The following EYS variants were observed in gnomAD, a reference collection of about 807,000 sequenced individuals.
The protein encoded by EYS is EGF-like photoreceptor maintenance factor.
In EYS, 250 loss-of-function variants were observed where a neutral mutation model predicts 282.1. That is an observed-to-expected ratio of 0.89 (90% CI 0.80 to 0.98). EYS has a LOEUF of 0.98. EYS is among the 50% of genes least tolerant of loss of function. The probability of loss-of-function intolerance (pLI) is 0.00; values close to 1 mark genes in which losing one functional copy is unlikely to be tolerated. For missense variants in EYS, 4,016 were observed against 3,709.0 expected, an observed-to-expected ratio of 1.08 and a Z score of -2.15; for synonymous variants, 1,355 against 1,282.9, an observed-to-expected ratio of 1.06 and a Z score of -1.20.
chr6:65,575,840 G>A (rs918971381), intron 2 of EYS, among the ~76,000 whole-genome samples: 3 of 151,966 alleles, frequency 2.0e-5, no homozygotes, highest in African/African-American at 4.8e-5. Context: ...GGATAACCTA[G>A]ATAAAATGGA....
chr6:65,231,149 A>ATATATACTTT (rs1766771270), intron 12 of EYS, among the ~76,000 whole-genome samples: 1 of 145,972 alleles, frequency 6.9e-6, no homozygotes, highest in East Asian at 2.0e-4. Flanking sequence ...ATACTTTTAT[A>ATATATACTTT]TATATACTTT....
chr6:65,624,320 C>T (rs1421652923), intron 2 of EYS, among the ~76,000 whole-genome samples: 1 of 152,066 alleles, frequency 6.6e-6, no homozygotes, highest in Non-Finnish European at 1.5e-5. Context: ...TGATATTGCA[C>T]CTATGAATAT....
At chr6:65,139,640 G>T (rs1314912831) in intron 12 of EYS, among the ~76,000 whole-genome samples, 2 of 152,034 alleles carry the variant, frequency 1.3e-5, no homozygotes, top group Non-Finnish European at 2.9e-5. Context: ...AATGTTGAGT[G>T]GGAAACTAGA....
chr6:64,085,951 C>T (rs746372037), intron 31 of EYS, among the ~76,000 whole-genome samples: 1 of 152,210 alleles, frequency 6.6e-6, no homozygotes, highest in Non-Finnish European at 1.5e-5. Flanking sequence ...CTCCATAATA[C>T]TAAGCCGTCA....
At chr6:65,645,496 C>A (rs547294856) in intron 1 of EYS, among the ~76,000 whole-genome samples, 1 of 152,166 alleles carries the variant, frequency 6.6e-6, no homozygotes, top group Non-Finnish European at 1.5e-5. Context: ...AATAGTGACA[C>A]AACCTATCTA....
chr6:65,416,097 A>G (rs1767221986), intron 5 of EYS, among the ~76,000 whole-genome samples: 1 of 152,006 alleles, frequency 6.6e-6, no homozygotes, highest in African/African-American at 2.4e-5. Flanking sequence ...CAAGGAGGAA[A>G]TAATGAAAGT....
intron 22 of EYS, among the ~76,000 whole-genome samples, chr6:64,778,119 A>C (rs1399338621): frequency 6.6e-6 from 1 of 152,140 alleles, no homozygotes; most frequent in Non-Finnish European, 1.5e-5. Context: ...GTGTTTACAT[A>C]TCTCTCAGAT....
chr6:65,663,146 T>C (rs1768062870), intron 1 of EYS, among the ~76,000 whole-genome samples: 2 of 152,222 alleles, frequency 1.3e-5, no homozygotes, highest in East Asian at 3.9e-4. Context: ...TTATATGCAC[T>C]CTACAGTTTG....
At chr6:64,574,088 A>T (rs1456965877) in intron 26 of EYS, among the ~76,000 whole-genome samples, 1 of 152,224 alleles carries the variant, frequency 6.6e-6, no homozygotes, top group African/African-American at 2.4e-5. Context: ...ACGGAATACT[A>T]TGCAGCCATA....
chr6:63,921,975 G>A (rs1005043104), intron 35 of EYS, among the ~76,000 whole-genome samples: 1 of 152,110 alleles, frequency 6.6e-6, no homozygotes, highest in Admixed American at 6.5e-5. Context: ...TATAAGTGGG[G>A]GCCTAACCTA....
intron 2 of EYS, among the ~76,000 whole-genome samples, chr6:65,555,289 C>T (rs990848794): frequency 6.6e-6 from 1 of 152,058 alleles, no homozygotes; most frequent in Non-Finnish European, 1.5e-5. Context: ...ACTAGCAATT[C>T]TACTTTAATA....
intron 26 of EYS, among the ~76,000 whole-genome samples, chr6:64,548,914 A>G (rs988388944): frequency 2.0e-5 from 3 of 152,122 alleles, no homozygotes; most frequent in Admixed American, 6.5e-5. Context: ...CCATCTCTAG[A>G]GGCTGACTCA....
chr6:64,281,376 A>G (rs545694922), intron 30 of EYS, among the ~76,000 whole-genome samples: 1 of 152,224 alleles, frequency 6.6e-6, no homozygotes, highest in African/African-American at 2.4e-5. Flanking sequence ...CAGCACTCTC[A>G]TATGTTTTAA....
chr6:65,384,532 T>C (rs1765731071), intron 7 of EYS, 32 bp from the exon 8 acceptor site: 2 of 1,080,934 alleles, frequency 1.9e-6, no homozygotes, highest in East Asian at 4.8e-5. Context: ...TTAGAAAAAT[T>C]ATAATTTAAA....
chr6:63,907,124 C>A (rs1773797206), intron 35 of EYS, among the ~76,000 whole-genome samples: 2 of 152,290 alleles, frequency 1.3e-5, no homozygotes, highest in Middle Eastern at 6.8e-3. Context: ...TAGACTTAGA[C>A]TAGGGCTTGA....
At chr6:64,296,429 T>G (rs1027039394) in intron 30 of EYS, among the ~76,000 whole-genome samples, 1 of 151,838 alleles carries the variant, frequency 6.6e-6, no homozygotes, top group Non-Finnish European at 1.5e-5. Flanking sequence ...TGCTATATTA[T>G]TCATGTTAAC....
chr6:64,779,589 C>T (rs1773795434), intron 22 of EYS, among the ~76,000 whole-genome samples: 1 of 151,936 alleles, frequency 6.6e-6, no homozygotes, highest in African/African-American at 2.4e-5. Context: ...TTAGTTATAC[C>T]TATTGAACGT....
At chr6:65,621,258 T>C (rs1018876969) in intron 2 of EYS, among the ~76,000 whole-genome samples, 6 of 152,196 alleles carry the variant, frequency 3.9e-5, no homozygotes, top group Admixed American at 3.9e-4. Context: ...CCATATATAT[T>C]TAGGACAGTT....
intron 31 of EYS, among the ~76,000 whole-genome samples, chr6:64,229,630 A>T (rs1192033108): frequency 6.6e-6 from 1 of 152,160 alleles, no homozygotes; most frequent in Non-Finnish European, 1.5e-5. Flanking sequence ...GCCTTTTACT[A>T]TATTTGCTTG....
Sources: gnomAD v4.1 joint callset for allele counts (sites outside exome capture counted in the v4.1 genomes callset) on GRCh38, gnomAD v4.1.1 for gene constraint, MANE v1.5 for transcripts, NCBI Gene and HGNC (gene_info 2026-07-23, HGNC 2026-07-21) for gene names.